ALDH1L2: variants seen among roughly 807,000 people sequenced by gnomAD.
ALDH1L2 encodes the protein aldehyde dehydrogenase 1 family member L2.
In ALDH1L2, 91 loss-of-function variants were observed where a neutral mutation model predicts 111.0. The observed-to-expected ratio is 0.82, with a 90% CI of 0.69 to 0.98. The LOEUF is 0.98. ALDH1L2 is among the 50% of genes least tolerant of loss of function. The pLI, the probability that ALDH1L2 is intolerant of heterozygous loss-of-function variation, is 0.00. For missense variants in ALDH1L2, 995 were observed against 1,126.8 expected, an observed-to-expected ratio of 0.88 and a Z score of 1.67; for synonymous variants, 374 against 392.6, an observed-to-expected ratio of 0.95 and a Z score of 0.56.
chr12:105,073,656 C>A (rs916079266), intron 2 of ALDH1L2: 6 of 634,604 alleles, frequency 9.5e-6, no homozygotes, highest in Non-Finnish European at 1.3e-5. Context: ...TGACTAAGTT[C>A]TGGCCAATGG....
chr12:105,072,896 C>G (rs985340455), intron 2 of ALDH1L2, among the ~76,000 whole-genome samples: 19 of 152,176 alleles, frequency 1.2e-4, no homozygotes, highest in African/African-American at 4.1e-4. Context: ...ATTGCTTGAA[C>G]CTGGGAGGTG....
chr12:105,073,862 C>T lies in ALDH1L2; in HGVS notation c.192G>A (p.Leu64=). 2 of 1,614,048 alleles carry T rather than the reference C, an allele frequency of 1.2e-6. No individual in the cohort carries two copies. The highest frequency in any genetic ancestry group is 2.2e-5 in the East Asian group (1 of 44,876). ...CCAGTCATCCCAAGATGCACTCACC[C>T]AGAGGGTCAGCTTTTCCATCCTTGT... is the stretch of plus-strand genomic sequence containing the variant. ...VPDKDGKADP[L]ALAAEKDGTP... is the part of the protein sequence containing the mutation. Residue 64 remains leucine (L), a splice_region_variant and synonymous_variant, in exon 2 of 23, where the codon CTG becomes CTA. Transcript: ENST00000258494.
rs758197807 is a variant in ALDH1L2, at chr12:105,061,729, A to G, written c.945T>C (p.Phe315=). The G allele has an allele frequency of 6.8e-6, 11 of 1,614,068 alleles. No individual in the cohort carries two copies. Among genetic ancestry groups the G allele is most frequent in the Non-Finnish European group, 9.3e-6 (11 of 1,180,046 alleles). Residue 315 remains phenylalanine, a synonymous_variant, in exon 8 of 23, where the codon TTT becomes TTC. Transcript: ENST00000258494. ...GKALTVRNLQ[F]EDGKMIPASQ... ...AGGCAGGGATCATTTTTCCATCTTC[A>G]AACTGCAGATTTCTCACCGTCAGCT...
intron 3 of ALDH1L2, among the ~76,000 whole-genome samples, chr12:105,069,451 C>T (rs1877554245): frequency 6.6e-6 from 1 of 152,196 alleles, no homozygotes; most frequent in East Asian, 1.9e-4. Flanking sequence ...CCATCAATCA[C>T]TAACTCTTCA....
intron 13 of ALDH1L2, among the ~76,000 whole-genome samples, 156 bp from the exon 14 acceptor site, chr12:105,047,125 A>G (rs910692583): frequency 1.3e-5 from 2 of 152,242 alleles, no homozygotes; most frequent in Admixed American, 6.5e-5. Context: ...AAGAAGGAAC[A>G]GCTATTTGTT....
At chr12:105,028,309 C>T (rs540223874) in intron 21 of ALDH1L2, among the ~76,000 whole-genome samples, 41 of 152,264 alleles carry the variant, frequency 2.7e-4, no homozygotes, top group Non-Finnish European at 4.9e-4. Flanking sequence ...TTTTGTATTT[C>T]ACCATGTTGG....
intron 15 of ALDH1L2, among the ~76,000 whole-genome samples, chr12:105,044,843 AAT>A (rs1461684338): frequency 6.6e-6 from 1 of 152,096 alleles, no homozygotes; most frequent in Non-Finnish European, 1.5e-5. Flanking sequence ...GATTAAGTAA[AAT>A]ATGTTTTATC....
intron 18 of ALDH1L2, among the ~76,000 whole-genome samples, chr12:105,035,839 A>ATATGTG (rs1555224201): frequency 1.0e-5 from 1 of 100,244 alleles, no homozygotes; most frequent in Admixed American, 9.6e-5. Flanking sequence ...ATATATATAT[A>ATATGTG]TGTGTGTGTG....
intron 7 of ALDH1L2, 41 bp from the exon 8 acceptor site, chr12:105,061,793 G>T: frequency 6.2e-7 from 1 of 1,612,470 alleles, no homozygotes; most frequent in South Asian, 1.1e-5. Flanking sequence ...ATTGAGGATT[G>T]AGACAATACA....
At chr12:105,062,773 ACTCAGAGCCAGCTCCT>A in intron 7 of ALDH1L2, 99 bp downstream of exon 7, 1 of 1,326,264 alleles carries the variant, frequency 7.5e-7, no homozygotes, top group South Asian at 1.5e-5. Flanking sequence ...CCATCAGGGC[ACTCAGAGCCAGCTCCT>A]CCCCAGCCAG....
chr12:105,077,343 T>C (rs1878105439), intron 1 of ALDH1L2, among the ~76,000 whole-genome samples: 1 of 151,796 alleles, frequency 6.6e-6, no homozygotes, highest in South Asian at 2.1e-4. Context: ...CCATCTCGGC[T>C]CACTGCAACC....
At chr12:105,057,365 G>T (rs1433647132) in intron 10 of ALDH1L2, among the ~76,000 whole-genome samples, 1 of 152,078 alleles carries the variant, frequency 6.6e-6, no homozygotes, top group Non-Finnish European at 1.5e-5. Flanking sequence ...ACTCAAAAAA[G>T]TTAAACATAG....
In ALDH1L2 at chr12:105,073,904, C is replaced by T; in HGVS notation, c.150G>A (p.Gly50=). 1 of 1,614,110 alleles carries T rather than the reference C, an allele frequency of 6.2e-7. No homozygotes were observed. The part of the protein sequence containing the change: ...HLRKEGHRVV[G]VFTVPDKDGK... The stretch of plus-strand genomic sequence containing the variant: ...CATCCTTGTCTGGAACTGTGAACAC[C>T]CCTACTACTCGGTGGCCCTCTTTGC... The change falls in exon 2 of 23, where the codon GGG becomes GGA. Residue 50 remains glycine, a synonymous_variant. Transcript: ENST00000258494.
chr12:105,068,745 G>C lies in ALDH1L2; in HGVS notation c.568C>G (p.Leu190Val). 1.3e-6 allele frequency: 2 copies of C among 1,556,502 alleles called. No individual in the cohort carries two copies. The highest frequency in any genetic ancestry group is 1.7e-6 in the Non-Finnish European group (2 of 1,152,830). Reference sequence around the variant, plus strand: ...ATGGCCTTGATTCCTTCAGGAAAAAGAAACCGATTATAAAGTGCATCCACT... The same window carrying C: ...ATGGCCTTGATTCCTTCAGGAAAAACAAACCGATTATAAAGTGCATCCACT... The part of the protein sequence containing the change: ...DTVDALYNRF[L>V]FPEGIKAMVE... The change falls in exon 4 of 23, where the codon CTT becomes GTT. Residue 190 changes from leucine (L) to valine (V), a missense_variant. Coordinates refer to ENST00000258494, the MANE Select transcript of ALDH1L2 (RefSeq NM_001034173.4).
chr12:105,052,952 G>T (rs753796645), intron 10 of ALDH1L2, 21 bp from the exon 11 acceptor site: 2 of 1,610,710 alleles, frequency 1.2e-6, no homozygotes, highest in Non-Finnish European at 1.7e-6. Flanking sequence ...TATATTAATA[G>T]ATTCAATGGA....
intron 1 of ALDH1L2, among the ~76,000 whole-genome samples, chr12:105,082,136 G>T (rs934705080): frequency 2.6e-5 from 4 of 152,252 alleles, no homozygotes; most frequent in African/African-American, 4.8e-5. Flanking sequence ...AGAGGTAGCA[G>T]TGAGTCAAGA....
chr12:105,082,966 A>T (rs1878398390), intron 1 of ALDH1L2, among the ~76,000 whole-genome samples: 1 of 151,826 alleles, frequency 6.6e-6, no homozygotes, highest in Non-Finnish European at 1.5e-5. Flanking sequence ...AGCCATGAGT[A>T]TCACTGCTTT....
chr12:105,079,001 G>A (rs1878209771), intron 1 of ALDH1L2, among the ~76,000 whole-genome samples: 1 of 152,228 alleles, frequency 6.6e-6, no homozygotes, highest in South Asian at 2.1e-4. Flanking sequence ...GGACCTTATT[G>A]TGAAGACAAT....
chr12:105,038,916 G>A (rs1009168666), intron 17 of ALDH1L2, among the ~76,000 whole-genome samples: 5 of 152,116 alleles, frequency 3.3e-5, no homozygotes, highest in East Asian at 1.9e-4. Flanking sequence ...CCAGACTACC[G>A]AAGCATTGGG....
Sources: gnomAD v4.1 joint callset for allele counts (sites outside exome capture counted in the v4.1 genomes callset) on GRCh38, gnomAD v4.1.1 for gene constraint, MANE v1.5 for transcripts, NCBI Gene and HGNC (gene_info 2026-07-23, HGNC 2026-07-21) for gene names.